Variants in DNM3 observed in about 807,000 individuals in gnomAD.
DNM3 encodes dynamin-3.
DNM3 carries 47 observed loss-of-function variants against 101.6 expected under a neutral mutation model. The ratio of observed to expected loss-of-function variants is 0.46; its 90% CI spans 0.37 to 0.59. DNM3 has a LOEUF of 0.59. Ranked by LOEUF, DNM3 falls within the 20% of genes least tolerant of loss-of-function variation. DNM3 has a pLI of 0.00. For missense variants in DNM3, 849 were observed against 1,085.7 expected (o/e 0.78, Z 3.06); for synonymous variants, 385 against 387.9 (o/e 0.99, Z 0.09).
At chr1:171,934,577 C>T (rs771455822) in intron 2 of DNM3, among the ~76,000 whole-genome samples, 13 of 152,188 alleles carry the variant, frequency 8.5e-5, no homozygotes, top group Non-Finnish European at 1.8e-4. Flanking sequence ...AATTAAGGAG[C>T]GCTACTAGCC....
chr1:172,139,076 T>C, intron 14 of DNM3: 7 of 351,640 alleles, frequency 2.0e-5, no homozygotes, highest in South Asian at 1.5e-4. Flanking sequence ...ATTCAGAAAG[T>C]ACATTTATAC....
At chr1:171,937,113 A>G (rs1223766436) in intron 2 of DNM3, among the ~76,000 whole-genome samples, 2 of 152,238 alleles carry the variant, frequency 1.3e-5, no homozygotes, top group Admixed American at 6.5e-5. Flanking sequence ...CTCTAGTTTC[A>G]TAAATTAGAC....
intron 14 of DNM3, among the ~76,000 whole-genome samples, chr1:172,181,870 T>C (rs953079725): frequency 2.6e-5 from 4 of 151,380 alleles, no homozygotes; most frequent in Non-Finnish European, 2.9e-5. Context: ...TGACTAAAAC[T>C]GAATAAGCAA....
chr1:172,257,786 G>T (rs927116330), intron 15 of DNM3, among the ~76,000 whole-genome samples: 2 of 151,602 alleles, frequency 1.3e-5, no homozygotes, highest in East Asian at 3.9e-4. Context: ...CCATACTCTA[G>T]TATTGAACAT....
At chr1:172,092,660 T>C (rs536698088) in intron 12 of DNM3, among the ~76,000 whole-genome samples, 164 bp from the exon 13 acceptor site, 3 of 152,188 alleles carry the variant, frequency 2.0e-5, no homozygotes, top group Non-Finnish European at 2.9e-5. Context: ...AGGAGTCCCA[T>C]TGAGTTGGTT....
chr1:172,115,297 T>C (rs1022949666), intron 13 of DNM3, among the ~76,000 whole-genome samples: 16 of 152,146 alleles, frequency 1.1e-4, no homozygotes, highest in African/African-American at 3.6e-4. Flanking sequence ...TCATCTGGAA[T>C]CTGACCACTT....
chr1:172,280,839 A>G (rs551010986), intron 15 of DNM3, among the ~76,000 whole-genome samples: 72 of 152,312 alleles, frequency 4.7e-4, no homozygotes, highest in African/African-American at 1.6e-3. Flanking sequence ...GCACACACAG[A>G]GTGAGAGATG....
intron 4 of DNM3, among the ~76,000 whole-genome samples, chr1:171,992,157 T>C (rs12078748): frequency 0.014 from 2,167 of 152,278 alleles, 66 homozygotes; most frequent in African/African-American, 0.049. Flanking sequence ...TGTAAAGTGA[T>C]TTCTTAAAAT....
intron 11 of DNM3, among the ~76,000 whole-genome samples, chr1:172,077,981 C>T (rs1326790738): frequency 1.3e-5 from 2 of 152,178 alleles, no homozygotes; most frequent in African/African-American, 4.8e-5. Flanking sequence ...AATCTGGGTG[C>T]TCCTGTATTG....
intron 1 of DNM3, chr1:171,864,503 A>G (rs2034510354): frequency 6.6e-6 from 1 of 152,280 alleles, no homozygotes; most frequent in Admixed American, 6.5e-5. Flanking sequence ...TTGCCAGCCT[A>G]GAGGACAAAC....
At chr1:172,147,531 G>A (rs182110999) in intron 14 of DNM3, among the ~76,000 whole-genome samples, 8 of 152,168 alleles carry the variant, frequency 5.3e-5, no homozygotes, top group East Asian at 3.9e-4. Context: ...AAAAGGAAAC[G>A]CTGTTTCAGT....
intron 12 of DNM3, among the ~76,000 whole-genome samples, chr1:172,091,588 T>C (rs560805493): frequency 1.3e-5 from 2 of 152,268 alleles, no homozygotes; most frequent in Non-Finnish European, 2.9e-5. Flanking sequence ...AAAGAGCAGA[T>C]GCCAGTGTGG....
chr1:172,362,719 G>A (rs2067806089), intron 17 of DNM3, among the ~76,000 whole-genome samples: 1 of 150,726 alleles, frequency 6.6e-6, no homozygotes, highest in South Asian at 2.1e-4. Flanking sequence ...CTTTCTTTCA[G>A]CCCCCTTTCC....
At chr1:172,170,020 G>T (rs1334281935) in intron 14 of DNM3, among the ~76,000 whole-genome samples, 1 of 151,792 alleles carries the variant, frequency 6.6e-6, no homozygotes, top group African/African-American at 2.4e-5. Flanking sequence ...TTCTAAGTAT[G>T]TTTAGGAAGC....
In DNM3 at chr1:172,312,482, G is replaced by T. The variant is rs772091125; in HGVS notation, c.1881+3643G>T. 2.0e-5 allele frequency among the ~76,000 whole-genome samples: 3 copies of T among 152,208 alleles called. No individual in the cohort carries two copies. The East Asian group carries it at 5.8e-4, about 29-fold the overall frequency. On this transcript the variant is annotated intron_variant, in intron 16 of 20. Transcript: ENST00000627582. ...TAGACAGATTTTATTTTCTAGTAAG[G>T]TTACATATGCTCACTTTTTAAAATA...
At chr1:172,254,230 T>C (rs10489291) in intron 15 of DNM3, among the ~76,000 whole-genome samples, 25,968 of 152,214 alleles carry the variant, frequency 0.17, 2,480 homozygotes, top group East Asian at 0.24. Context: ...CCAGTCTGTC[T>C]GTTCTTAAAG....
At chr1:172,195,918 T>C (rs1214485620) in intron 14 of DNM3, among the ~76,000 whole-genome samples, 1 of 151,806 alleles carries the variant, frequency 6.6e-6, no homozygotes, top group Non-Finnish European at 1.5e-5. Context: ...TTTAAACTTC[T>C]ATTTTAGGTT....
intron 14 of DNM3, among the ~76,000 whole-genome samples, chr1:172,190,042 AG>A (rs2059654330): frequency 7.0e-6 from 1 of 143,594 alleles, no homozygotes; most frequent in Admixed American, 7.1e-5. Flanking sequence ...TTTAAGTTCT[AG>A]GGTACATGTG....
chr1:172,157,161 G>T (rs2058371209), intron 14 of DNM3, among the ~76,000 whole-genome samples: 1 of 152,224 alleles, frequency 6.6e-6, no homozygotes, highest in South Asian at 2.1e-4. Flanking sequence ...CCCTGAGCTT[G>T]TTTTCCATCA....
Sources: gnomAD v4.1 joint callset for allele counts (sites outside exome capture counted in the v4.1 genomes callset) on GRCh38, gnomAD v4.1.1 for gene constraint, MANE v1.5 for transcripts, NCBI Gene and HGNC (gene_info 2026-07-23, HGNC 2026-07-21) for gene names.